Variants in C16orf92 observed in about 807,000 individuals in gnomAD.
The protein encoded by C16orf92 is fertilization-influencing membrane protein 1, also known as fertilization-influencing membrane protein.
Under a neutral mutation model 13.7 loss-of-function variants are expected in C16orf92, and 14 were observed. The observed-to-expected ratio is 1.02, with a 90% CI of 0.67 to 1.60. The LOEUF is 1.60. C16orf92 is among the 40% of genes most tolerant of loss of function. The pLI, the probability that C16orf92 is intolerant of heterozygous loss-of-function variation, is 0.00. For synonymous variants in C16orf92, 50 were observed against 57.4 expected (o/e 0.87, Z 0.58); for missense variants, 116 against 139.0 (o/e 0.83, Z 0.83).
At chr16:30,023,613 A>G (rs770536298) in intron 1 of C16orf92, 114 bp from the exon 2 acceptor site, 7 of 1,575,210 alleles carry the variant, frequency 4.4e-6, no homozygotes, top group Middle Eastern at 3.3e-4. Context: ...AAGACCCTCC[A>G]CAGCCTCTGC....
downstream of C16orf92, chr16:30,025,004 G>T (rs948272100): frequency 5.6e-6 from 3 of 539,782 alleles, no homozygotes; most frequent in Admixed American, 3.7e-5. This position sits in a 1 kb window ranked among gnomAD's most constrained non-coding sequence, Gnocchi z 4.1. Flanking sequence ...AGGGGGAAGA[G>T]GTCCCCTCTC....
chr16:30,025,297 G>T (rs752491244), downstream of C16orf92: 8 of 1,555,736 alleles, frequency 5.1e-6, no homozygotes, highest in Admixed American at 7.8e-5. The surrounding 1 kb of genome is among the most constrained non-coding windows in gnomAD (Gnocchi z 4.1). Flanking sequence ...GCAGCGCAGC[G>T]CCCAGGTTGA....
chr16:30,024,829 A>C, downstream of C16orf92: 2 of 240,176 alleles, frequency 8.3e-6, no homozygotes, highest in Non-Finnish European at 1.6e-5. Flanking sequence ...ATGGCAGCAT[A>C]GGGGCTGGGA....
chr16:30,024,125 A>G (rs1443819295), intron 3 of C16orf92, 39 bp downstream of exon 3: 1 of 1,607,688 alleles, frequency 6.2e-7, no homozygotes, highest in Admixed American at 1.7e-5. Context: ...ACCCACCACC[A>G]CCTTCCTTGG....
downstream of C16orf92, chr16:30,025,592 G>T: frequency 1.3e-6 from 2 of 1,486,776 alleles, no homozygotes; most frequent in Non-Finnish European, 1.9e-6. The surrounding 1 kb of genome is among the most constrained non-coding windows in gnomAD (Gnocchi z 4.1). Flanking sequence ...CAGGACACAA[G>T]CACCAGGTGC....
At position 30,024,404 on chromosome 16, in the gene C16orf92, G is replaced by C; in HGVS notation, c.*177G>C. On this transcript the variant is annotated 3_prime_UTR_variant, in exon 4 of 4. Transcript: ENST00000681219. ...CACCTCCTCCCTTCCCAGCCCCAAA[G>C]AACTTGGTGGCAAGGGCCTTGGTGG... The C allele has an allele frequency of 1.1e-6, 1 of 880,598 alleles. No homozygotes were observed. The highest frequency in any genetic ancestry group is 1.7e-6 in the Non-Finnish European group (1 of 589,228). 54.5% of individuals were successfully genotyped at this position (880,598 alleles called of 1,614,324 possible). A position where few individuals can be genotyped will look rare whatever the true frequency, so the allele number is the denominator to read the frequency against.
At chr16:30,023,919 C>G in intron 2 of C16orf92, 34 bp downstream of exon 2, 1 of 1,597,210 alleles carries the variant, frequency 6.3e-7, no homozygotes, top group Middle Eastern at 1.7e-4. Context: ...CCTCCCTCCC[C>G]GCCAGGGTCT....
chr16:30,025,896 C>T (rs1301802991), downstream of C16orf92: 5 of 1,163,130 alleles, frequency 4.3e-6, no homozygotes, highest in Non-Finnish European at 6.4e-6. This position sits in a 1 kb window ranked among gnomAD's most constrained non-coding sequence, Gnocchi z 4.1. Flanking sequence ...CTTCCTCTTT[C>T]CCCTCTGTCA....
At chr16:30,025,726 C>T (rs1158479015), downstream of C16orf92, 2 of 1,614,134 alleles carry the variant, frequency 1.2e-6, no homozygotes, top group Non-Finnish European at 1.7e-6. This position sits in a 1 kb window ranked among gnomAD's most constrained non-coding sequence, Gnocchi z 4.1. Context: ...GCTCACTCAC[C>T]TGGATGAGGA....
At chr16:30,026,641 C>A (rs754599938), downstream of C16orf92, 2 of 1,613,744 alleles carry the variant, frequency 1.2e-6, no homozygotes, top group Non-Finnish European at 1.7e-6. Context: ...AGCACCATGG[C>A]GGCATGGTGG....
Position 30,023,782 on chromosome 16 carries a change from C to T in C16orf92, c.120C>T (p.Phe40=). ...CCCTGGGGACAGAGTCTCCGCGCTT[C>T]TTAGACAGACCTGACTTCTTCGATT... ...ASALGTESPR[F]LDRPDFFDYP... Residue 40 remains phenylalanine (F), a synonymous_variant, in exon 2 of 4, where the codon TTC becomes TTT. Transcript: ENST00000681219. 4 of 1,614,166 alleles carry T rather than the reference C, an allele frequency of 2.5e-6. No homozygotes were observed. Among genetic ancestry groups the T allele is most frequent in the Non-Finnish European group, 3.4e-6 (4 of 1,180,018 alleles).
chr16:30,027,495 C>G, downstream of C16orf92: 2 of 443,472 alleles, frequency 4.5e-6, no homozygotes, highest in South Asian at 1.6e-5. Context: ...CCAGAAGATC[C>G]GAGAGGCATC....
At chr16:30,026,688 G>A (rs755480627), downstream of C16orf92, 35 of 1,613,808 alleles carry the variant, frequency 2.2e-5, 1 homozygote, top group South Asian at 1.6e-4. Flanking sequence ...GTAGCCACGC[G>A]CTATGGCCCA....
At chr16:30,025,953 G>A (rs145342458), downstream of C16orf92, 84 of 699,930 alleles carry the variant, frequency 1.2e-4, no homozygotes, top group East Asian at 1.1e-3. The surrounding 1 kb of genome is among the most constrained non-coding windows in gnomAD (Gnocchi z 4.1). Context: ...TGGGTGCAGG[G>A]CTGGGTGCAG....
chr16:30,026,290 C>G (rs1170960021), downstream of C16orf92, among the ~76,000 whole-genome samples: 1 of 152,120 alleles, frequency 6.6e-6, no homozygotes, highest in Non-Finnish European at 1.5e-5. Flanking sequence ...CATGACTTGG[C>G]TGCATCCCTC....
At chr16:30,025,538 C>A (rs554393954), downstream of C16orf92, 1 of 1,587,346 alleles carries the variant, frequency 6.3e-7, no homozygotes, top group South Asian at 1.1e-5. The surrounding 1 kb of genome is among the most constrained non-coding windows in gnomAD (Gnocchi z 4.1). Flanking sequence ...TCCCTGCCTC[C>A]CTGCGACCCT....
At chr16:30,025,291 C>T (rs778337633), downstream of C16orf92, 53 of 1,551,844 alleles carry the variant, frequency 3.4e-5, no homozygotes, top group Admixed American at 9.9e-5. This position sits in a 1 kb window ranked among gnomAD's most constrained non-coding sequence, Gnocchi z 4.1. Context: ...CCAGGAGCAG[C>T]GCAGCGCCCA....
chr16:30,025,043 G>A, downstream of C16orf92: 1 of 592,060 alleles, frequency 1.7e-6, no homozygotes, highest in Non-Finnish European at 2.8e-6. The surrounding 1 kb of genome is among the most constrained non-coding windows in gnomAD (Gnocchi z 4.1). Flanking sequence ...GAGAGATGGG[G>A]CCTCTTCCCT....
chr16:30,024,373 G>GC lies in C16orf92; in HGVS notation c.*152dup, dbSNP rs557033948. On this transcript the variant is annotated 3_prime_UTR_variant, in exon 4 of 4. Coordinates refer to ENST00000681219, the MANE Select transcript of C16orf92 (RefSeq NM_001109659.2). ...GTCCCCTCTGTTTCCCATGGCCCAAGCCCCCCACCTCCTCCCTTCCCAGCC... is the reference window on the plus strand; with the variant it reads ...GTCCCCTCTGTTTCCCATGGCCCAAGCCCCCCCACCTCCTCCCTTCCCAGCC... 228 of 1,119,170 alleles carry GC rather than the reference G, an allele frequency of 2.0e-4. 1 individual carries two copies. In the African/African-American group the frequency reaches 3.3e-3, roughly 16 times the overall value. 69.3% of individuals were successfully genotyped at this position (1,119,170 alleles called of 1,614,324 possible).
Sources: allele counts gnomAD v4.1 joint callset (sites outside exome capture counted in the v4.1 genomes callset), GRCh38; gene constraint gnomAD v4.1.1; non-coding constraint Gnocchi (gnomAD v3.1); transcripts MANE v1.5; gene names NCBI Gene and HGNC (gene_info 2026-07-23, HGNC 2026-07-21).